BICD1: variants seen among roughly 807,000 people sequenced by gnomAD.
The protein encoded by BICD1 is protein bicaudal D homolog 1.
In BICD1, 35 loss-of-function variants were observed where a neutral mutation model predicts 92.5. The ratio of observed to expected loss-of-function variants is 0.38; its 90% CI spans 0.29 to 0.50. BICD1 has a LOEUF of 0.50. BICD1 is among the 20% of genes least tolerant of loss of function. The pLI, the probability that BICD1 is intolerant of heterozygous loss-of-function variation, is 0.93. For synonymous variants in BICD1, 429 were observed against 465.1 expected (o/e 0.92, Z 1.00); for missense variants, 950 against 1,189.8 (o/e 0.80, Z 2.97).
At chr12:32,175,517 A>G (rs566201865) in intron 1 of BICD1, among the ~76,000 whole-genome samples, 1 of 152,248 alleles carries the variant, frequency 6.6e-6, no homozygotes, top group East Asian at 1.9e-4. Context: ...GGATTTCGCC[A>G]TGTTGGCCAG....
At chr12:32,177,599 C>G (rs74074446) in intron 1 of BICD1, among the ~76,000 whole-genome samples, 5,416 of 142,658 alleles carry the variant, frequency 0.038, 335 homozygotes, top group African/African-American at 0.13. Context: ...ACCATGGTTT[C>G]GTGGCTGGAG....
chr12:32,190,569 C>A (rs1051371957), intron 1 of BICD1, among the ~76,000 whole-genome samples: 16 of 152,312 alleles, frequency 1.1e-4, no homozygotes, highest in African/African-American at 3.6e-4. Flanking sequence ...AATATATGTG[C>A]ACCCCACATT....
chr12:32,343,598 C>T (rs920036691), intron 8 of BICD1, among the ~76,000 whole-genome samples: 1 of 152,162 alleles, frequency 6.6e-6, no homozygotes, highest in African/African-American at 2.4e-5. Context: ...CCATGTCACC[C>T]TTTTCCTCTT....
chr12:32,269,715 AG>A (rs1947087352), intron 2 of BICD1, among the ~76,000 whole-genome samples: 1 of 152,216 alleles, frequency 6.6e-6, no homozygotes, highest in African/African-American at 2.4e-5. Flanking sequence ...ATCACCCATT[AG>A]GAATATATGC....
At chr12:32,252,127 A>T (rs867131487) in intron 2 of BICD1, among the ~76,000 whole-genome samples, 80 of 112,678 alleles carry the variant, frequency 7.1e-4, no homozygotes, top group Admixed American at 1.3e-3. Context: ...ATATATTTAT[A>T]ATAAATATTA....
At chr12:32,304,556 T>C (rs569490143) in intron 3 of BICD1, among the ~76,000 whole-genome samples, 3 of 152,310 alleles carry the variant, frequency 2.0e-5, no homozygotes, top group Admixed American at 6.5e-5. Context: ...AGTGTACTTG[T>C]GGAGATAAAA....
chr12:32,327,964 G>A lies in BICD1; in HGVS notation c.1509G>A (p.Thr503=), dbSNP rs149214921. ...IANENHSTLN[T]AQDELVTFSE... Reference sequence around the variant, plus strand: ...ACGAAAATCACAGTACCCTTAATACGGCCCAGGATGAGTTAGTGACATTCA... The same window carrying A: ...ACGAAAATCACAGTACCCTTAATACAGCCCAGGATGAGTTAGTGACATTCA... The change falls in exon 5 of 10, where the codon ACG becomes ACA. Residue 503 remains threonine (T), a synonymous_variant. Coordinates refer to ENST00000652176, the MANE Select transcript of BICD1 (RefSeq NM_001714.4). The A allele has an allele frequency of 3.5e-5, 57 of 1,614,072 alleles. No individual in the cohort carries two copies. In the African/African-American group the frequency reaches 5.1e-4, roughly 14 times the overall value.
intron 7 of BICD1, 131 bp from the exon 8 acceptor site, chr12:32,338,655 A>G: frequency 1.3e-6 from 1 of 790,932 alleles, no homozygotes; most frequent in South Asian, 2.1e-5. Flanking sequence ...AAAAAAAGCA[A>G]AAAGATTGAT....
At chr12:32,171,957 ACACACACACACAC>A (rs1246139738) in intron 1 of BICD1, among the ~76,000 whole-genome samples, 1 of 83,030 alleles carries the variant, frequency 1.2e-5, no homozygotes, top group African/African-American at 4.6e-5. Flanking sequence ...ACACACACAC[ACACACACACACAC>A]ACACACACAC....
chr12:32,263,046 G>A (rs1209792960), intron 2 of BICD1, among the ~76,000 whole-genome samples: 1 of 151,660 alleles, frequency 6.6e-6, no homozygotes, highest in Non-Finnish European at 1.5e-5. Flanking sequence ...TCGGAGAGAG[G>A]ATCACCTGAG....
At chr12:32,192,461 G>A (rs56655156) in intron 1 of BICD1, among the ~76,000 whole-genome samples, 56,982 of 143,042 alleles carry the variant, frequency 0.4, 11,500 homozygotes, top group Non-Finnish European at 0.45. Context: ...TAAATAGATA[G>A]ATAGATAGAT....
In BICD1 at chr12:32,289,339, C is replaced by A. The variant is rs79513050; in HGVS notation, c.427-4655C>A. On this transcript the variant is annotated intron_variant, in intron 2 of 9. Coordinates refer to ENST00000652176, the MANE Select transcript of BICD1 (RefSeq NM_001714.4). ...TTATCTTGGCAGAAATAAGAAAATT[C>A]TTTTTTGCTATTCCATATATCTATT... 4.6e-5 allele frequency among the ~76,000 whole-genome samples: 7 copies of A among 152,204 alleles called. No homozygotes were observed. The East Asian group carries it at 9.6e-4, about 21-fold the overall frequency.
intron 3 of BICD1, among the ~76,000 whole-genome samples, chr12:32,298,870 C>CAAAA (rs59280755): frequency 6.4e-4 from 36 of 56,090 alleles, no homozygotes; most frequent in East Asian, 1.2e-3. Flanking sequence ...AACTCCATCT[C>CAAAA]AAAAAAAAAA....
intron 1 of BICD1, among the ~76,000 whole-genome samples, chr12:32,209,129 GTGTTTT>G (rs1411133759): frequency 1.3e-5 from 2 of 152,154 alleles, no homozygotes; most frequent in South Asian, 2.1e-4. Context: ...TCTGGGCTCA[GTGTTTT>G]TCAGTGGAAT....
At chr12:32,340,614 G>A (rs1592697338) in intron 8 of BICD1, 1 of 459,058 alleles carries the variant, frequency 2.2e-6, no homozygotes. Flanking sequence ...AACAATAACT[G>A]TTTTCATTTT....
chr12:32,328,439 A>G lies in BICD1; in HGVS notation c.1984A>G (p.Met662Val), dbSNP rs1348270715. The G allele has an allele frequency of 3.1e-6, 5 of 1,614,028 alleles. 1 individual carries two copies. In the South Asian group the frequency reaches 4.4e-5, roughly 14 times the overall value. The change falls in exon 5 of 10, where the codon ATG (methionine) becomes GTG (valine). Residue 662 changes from methionine (M) to valine (V), a missense_variant. Met to Val is a conservative substitution (Grantham distance 21). Around this residue, in one of 5 missense-constraint regions of BICD1, gnomAD observed 309 missense variants for 499.4 expected, o/e 0.62. Coordinates refer to ENST00000652176, the MANE Select transcript of BICD1 (RefSeq NM_001714.4). This position sits in a 1 kb window ranked among gnomAD's most constrained non-coding sequence, Gnocchi z 4.4. Reference sequence around the variant, plus strand: ...AGCAGCGGCTCGGGAGCTAGCCCCCATGATTGATAAAGACAAGGAAGCCTT... The same window carrying G: ...AGCAGCGGCTCGGGAGCTAGCCCCCGTGATTGATAAAGACAAGGAAGCCTT... ...QRAAARELAPMIDKDKEALME... is the reference protein window; with the variant it reads ...QRAAARELAPVIDKDKEALME...
rs1236784420 is a variant in BICD1, at chr12:32,313,998, A to T, written c.1005+7876A>T. Among the ~76,000 whole-genome samples the T allele has an allele frequency of 1.3e-5, 2 of 152,194 alleles. No homozygotes were observed. Among genetic ancestry groups the T allele is most frequent in the Non-Finnish European group, 2.9e-5 (2 of 68,036 alleles). ...GACCCTATCAATAAATAAATAAAATAAAAATAAATGGAATCATACAATGTG... is the reference window on the plus strand; with the variant it reads ...GACCCTATCAATAAATAAATAAAATTAAAATAAATGGAATCATACAATGTG... On this transcript the variant is annotated intron_variant, in intron 4 of 9. Transcript: ENST00000652176. This position sits in a 1 kb window ranked among gnomAD's most constrained non-coding sequence, Gnocchi z 4.2.
At chr12:32,132,550 G>C (rs918569035) in intron 1 of BICD1, among the ~76,000 whole-genome samples, 1 of 152,094 alleles carries the variant, frequency 6.6e-6, no homozygotes, top group African/African-American at 2.4e-5. Context: ...GGCTCAATGC[G>C]GGACGGTTAG....
At chr12:32,357,576 T>C (rs1249835896) in intron 8 of BICD1, among the ~76,000 whole-genome samples, 1 of 152,162 alleles carries the variant, frequency 6.6e-6, no homozygotes, top group East Asian at 1.9e-4. Context: ...GACCACAGAC[T>C]GGATGCCTTA....
Sources: gnomAD v4.1 joint callset for allele counts (sites outside exome capture counted in the v4.1 genomes callset) on GRCh38, gnomAD v4.1.1 for gene constraint, gnomAD v4.1.1 regional missense constraint, Gnocchi (gnomAD v3.1) non-coding constraint, MANE v1.5 for transcripts, NCBI Gene and HGNC (gene_info 2026-07-23, HGNC 2026-07-21) for gene names.